TSGA10: variants seen among roughly 807,000 people sequenced by gnomAD.
TSGA10 encodes testis specific 10.
Under a neutral mutation model 96.6 loss-of-function variants are expected in TSGA10, and 43 were observed. That is an observed-to-expected ratio of 0.44 (90% CI 0.35 to 0.57). The LOEUF (loss-of-function observed/expected upper bound fraction) is 0.57. Ranked by LOEUF, TSGA10 falls within the 20% of genes least tolerant of loss-of-function variation. The pLI is 0.01. For synonymous variants in TSGA10, 229 were observed against 269.9 expected (o/e 0.85, Z 1.48); for missense variants, 703 against 834.4 (o/e 0.84, Z 1.94).
At chr2:99,134,986 C>T (rs1343288332) in intron 1 of TSGA10, among the ~76,000 whole-genome samples, 2 of 152,140 alleles carry the variant, frequency 1.3e-5, no homozygotes, top group African/African-American at 4.8e-5. Context: ...AGAGGGGCAC[C>T]CACCAGATGC....
At chr2:99,112,660 A>G (rs1213460267) in intron 4 of TSGA10, among the ~76,000 whole-genome samples, 3 of 151,878 alleles carry the variant, frequency 2.0e-5, no homozygotes, top group South Asian at 4.1e-4. Flanking sequence ...GTCCTAAGGC[A>G]AAAGAAGGTC....
intron 1 of TSGA10, chr2:99,141,068 C>T: frequency 7.8e-7 from 1 of 1,281,042 alleles, no homozygotes; most frequent in Non-Finnish European, 1.0e-6. Context: ...CCCCGCGCAC[C>T]TCCGCAGCTT....
intron 16 of TSGA10, among the ~76,000 whole-genome samples, chr2:99,049,407 AG>A (rs1485696003): frequency 2.0e-5 from 3 of 152,252 alleles, no homozygotes; most frequent in Non-Finnish European, 2.9e-5. Context: ...GCCATAAAAA[AG>A]GATGAGTTCA....
Position 99,136,021 on chromosome 2 carries a change from A to AAAAAAAAAAC in TSGA10, c.-620-8846_-620-8845insGTTTTTTTTT. 4.0e-5 allele frequency among the ~76,000 whole-genome samples: 6 copies of AAAAAAAAAAC among 148,278 alleles called. 2 individuals are homozygous for AAAAAAAAAAC. The highest frequency in any genetic ancestry group is 6.0e-5 in the Non-Finnish European group (4 of 66,420). ...CGAGACTTCGTACCAAAAAAAAAAA[A>AAAAAAAAAAC]GGGTCTGCATCATAGAGTTGCGTGA... is the stretch of plus-strand genomic sequence containing the variant. On this transcript the variant is annotated intron_variant, in intron 1 of 20. Transcript: ENST00000393483.
intron 16 of TSGA10, among the ~76,000 whole-genome samples, chr2:99,057,957 T>C (rs927211422): frequency 9.2e-5 from 14 of 152,294 alleles, no homozygotes; most frequent in East Asian, 1.9e-4. Context: ...CTATGATCTA[T>C]TGATTTTTGA....
chr2:99,011,295 C>T (rs1290892272), intron 20 of TSGA10, among the ~76,000 whole-genome samples: 1 of 152,080 alleles, frequency 6.6e-6, no homozygotes, highest in Non-Finnish European at 1.5e-5. Context: ...ACCCACCTGG[C>T]TAATTTTTGT....
At chr2:99,019,147 A>G (rs2079792866) in intron 18 of TSGA10, among the ~76,000 whole-genome samples, 1 of 152,178 alleles carries the variant, frequency 6.6e-6, no homozygotes, top group Non-Finnish European at 1.5e-5. Context: ...AAAACCTGTA[A>G]TAAGGCACAA....
intron 10 of TSGA10, among the ~76,000 whole-genome samples, chr2:99,089,134 G>A (rs1249421723): frequency 2.6e-5 from 4 of 152,166 alleles, no homozygotes; most frequent in Middle Eastern, 3.2e-3. Context: ...CACCTTCACT[G>A]GGGAAAGTGA....
At chr2:99,014,333 T>G (rs2079300575) in intron 20 of TSGA10, among the ~76,000 whole-genome samples, 2 of 152,070 alleles carry the variant, frequency 1.3e-5, no homozygotes, top group Non-Finnish European at 2.9e-5. Flanking sequence ...AGATTCCATC[T>G]CAAAAAAATT....
chr2:99,014,070 G>A (rs999810741), intron 20 of TSGA10, among the ~76,000 whole-genome samples: 7 of 152,162 alleles, frequency 4.6e-5, no homozygotes, highest in African/African-American at 9.7e-5. Context: ...CACAAGAATC[G>A]CTTGAACCTG....
intron 4 of TSGA10, among the ~76,000 whole-genome samples, chr2:99,111,591 G>A (rs1291315309): frequency 1.1e-4 from 17 of 151,962 alleles, no homozygotes; most frequent in Admixed American, 9.8e-4. Flanking sequence ...TGGAATTATT[G>A]TACTTCATTT....
chr2:99,068,546 C>T (rs1366116854), intron 15 of TSGA10, among the ~76,000 whole-genome samples: 2 of 152,124 alleles, frequency 1.3e-5, no homozygotes, highest in South Asian at 2.1e-4. Flanking sequence ...TGATCTGCTA[C>T]ATAATCAGGT....
chr2:99,082,761 A>G (rs1158155359), intron 10 of TSGA10, among the ~76,000 whole-genome samples: 2 of 152,214 alleles, frequency 1.3e-5, no homozygotes, highest in Non-Finnish European at 2.9e-5. Flanking sequence ...ACTAAATTAG[A>G]TCCCTAAGAA....
chr2:99,141,117 C>T, intron 1 of TSGA10: 1 of 1,284,654 alleles, frequency 7.8e-7, no homozygotes, highest in Non-Finnish European at 1.0e-6. Flanking sequence ...GCTCCTCGGC[C>T]CGCCGTCCTG....
At chr2:99,048,619 A>G (rs984131680) in intron 16 of TSGA10, among the ~76,000 whole-genome samples, 2 of 152,234 alleles carry the variant, frequency 1.3e-5, no homozygotes, top group African/African-American at 2.4e-5. Context: ...ATCTAAAGCC[A>G]TAAAAATCCT....
chr2:99,071,658 A>T, intron 14 of TSGA10, 48 bp downstream of exon 14: 1 of 1,567,024 alleles, frequency 6.4e-7, no homozygotes, highest in South Asian at 1.2e-5. Context: ...CTCACAAGAA[A>T]TTCATATTTT....
chr2:99,144,527 G>A (rs1264640252), intron 1 of TSGA10, among the ~76,000 whole-genome samples: 1 of 151,238 alleles, frequency 6.6e-6, no homozygotes, highest in Non-Finnish European at 1.5e-5. Context: ...GCTCATGCCT[G>A]TAATCCAGCT....
rs538559843 is a variant in TSGA10 at position 99,109,057 on chromosome 2, T to C, written c.52-66A>G. 14 of 1,169,380 alleles carry C rather than the reference T, an allele frequency of 1.2e-5. No homozygotes were observed. In the East Asian group the frequency reaches 2.5e-4, roughly 21 times the overall value. 72.4% of individuals were successfully genotyped at this position (1,169,380 alleles called of 1,614,324 possible). A position where few individuals can be genotyped will look rare whatever the true frequency, so the allele number is the denominator to read the frequency against. On this transcript the variant is annotated intron_variant, in intron 6 of 20. Coordinates refer to ENST00000393483, the MANE Select transcript of TSGA10 (RefSeq NM_025244.4). ...AGTACTGATAGAAAGGTGCTACTGA[T>C]GGTAGTGCCCAATTTCTATTTAAGA...
chr2:99,081,526 A>G, intron 10 of TSGA10, 129 bp from the exon 11 acceptor site: 1 of 398,212 alleles, frequency 2.5e-6, no homozygotes, highest in Non-Finnish European at 4.5e-6. Flanking sequence ...TACAGTTTTA[A>G]TATTTTCATT....
Sources: allele counts gnomAD v4.1 joint callset (sites outside exome capture counted in the v4.1 genomes callset), GRCh38; gene constraint gnomAD v4.1.1; transcripts MANE v1.5; gene names NCBI Gene and HGNC (gene_info 2026-07-23, HGNC 2026-07-21).